BRI3: variants seen among roughly 807,000 people sequenced by gnomAD.
BRI3 encodes membrane protein BRI3.
Under a neutral mutation model 12.8 loss-of-function variants are expected in BRI3, and 6 were observed. That is an observed-to-expected ratio of 0.47 (90% CI 0.26 to 0.93). The LOEUF (loss-of-function observed/expected upper bound fraction) is 0.93, where lower values mean the gene tolerates loss of function less well. Among genes scored for constraint, BRI3 ranks in the 40% least tolerant of loss-of-function variants. The pLI, the probability that BRI3 is intolerant of heterozygous loss-of-function variation, is 0.15. For synonymous variants in BRI3, 91 were observed against 76.1 expected, an observed-to-expected ratio of 1.20 and a Z score of -1.02; for missense variants, 134 against 171.1, an observed-to-expected ratio of 0.78 and a Z score of 1.21.
chr7:98,307,839 A>G (rs1209701200), exon 2 of BRI3: 1 of 1,614,108 alleles, frequency 6.2e-7, no homozygotes, highest in Admixed American at 1.7e-5. Context: ...CTTCTTCATC[A>G]TGTTCAGTCC....
exon 2 of BRI3, chr7:98,310,163 T>A: frequency 3.0e-6 from 1 of 328,416 alleles, no homozygotes; most frequent in East Asian, 7.9e-5. Context: ...CATTTATTTG[T>A]AAATAGATAA....
downstream of BRI3, among the ~76,000 whole-genome samples, chr7:98,295,231 G>C (rs1253569082): frequency 2.0e-5 from 3 of 152,222 alleles, no homozygotes; most frequent in Non-Finnish European, 2.9e-5. Context: ...TGCATGTTGG[G>C]TGTACAGGCT....
chr7:98,299,005 T>C (rs528900802), intron 1 of BRI3, among the ~76,000 whole-genome samples: 1 of 152,108 alleles, frequency 6.6e-6, no homozygotes, highest in East Asian at 1.9e-4. Context: ...CCTGACTTTT[T>C]AATTTTCTGT....
downstream of BRI3, among the ~76,000 whole-genome samples, chr7:98,314,885 CAT>C (rs541559816): frequency 3.0e-3 from 462 of 152,288 alleles, 2 homozygotes; most frequent in Middle Eastern, 0.017. Flanking sequence ...GAAGAGCAAA[CAT>C]GTGCTATTTT....
exon 2 of BRI3, chr7:98,309,851 C>G (rs1800804810): frequency 6.6e-6 from 1 of 151,850 alleles, no homozygotes; most frequent in African/African-American, 2.5e-5. Flanking sequence ...CATCTGCAGA[C>G]AGTCACTGGC....
chr7:98,307,173 C>T (rs1584433988), intron 1 of BRI3: 3 of 167,032 alleles, frequency 1.8e-5, no homozygotes, highest in Admixed American at 5.7e-5. Context: ...AGTGCAATGG[C>T]GAGATCTCGG....
chr7:98,296,280 T>C (rs886133627), downstream of BRI3, among the ~76,000 whole-genome samples: 1 of 152,142 alleles, frequency 6.6e-6, no homozygotes, highest in Non-Finnish European at 1.5e-5. Flanking sequence ...ATCATGAAAA[T>C]TCATTGTGTG....
downstream of BRI3, chr7:98,311,963 G>GGGAT: frequency 1.2e-6 from 1 of 867,696 alleles, no homozygotes; most frequent in South Asian, 1.8e-5. Context: ...TAAAGGTAAG[G>GGGAT]GGATAGAGGT....
intron 1 of BRI3, among the ~76,000 whole-genome samples, chr7:98,298,845 G>A (rs1800297915): frequency 6.6e-6 from 1 of 151,974 alleles, no homozygotes; most frequent in African/African-American, 2.4e-5. Flanking sequence ...AGGTGGCAAA[G>A]GCTGCCATTG....
At chr7:98,307,189 T>G (rs977934807) in intron 1 of BRI3, 1 of 176,658 alleles carries the variant, frequency 5.7e-6, no homozygotes, top group Admixed American at 5.5e-5. Context: ...CTCGGCTCAC[T>G]GCAACCTGCG....
chr7:98,289,407 T>A (rs537672667), intron 2 of BRI3, among the ~76,000 whole-genome samples: 1 of 152,294 alleles, frequency 6.6e-6, no homozygotes, highest in Admixed American at 6.5e-5. Context: ...GTGGCCCTCA[T>A]GAGTCCAGAC....
At chr7:98,307,658 G>A (rs1483868172) in exon 2 of BRI3, 1 of 1,611,568 alleles carries the variant, frequency 6.2e-7, no homozygotes, top group African/African-American at 1.3e-5. Flanking sequence ...GCCGTCTGGT[G>A]CCCTGCGGGG....
chr7:98,315,846 G>A, the BRI3 span, among the ~76,000 whole-genome samples: 8 of 152,100 alleles, frequency 5.3e-5, no homozygotes, highest in East Asian at 1.9e-4. Context: ...ACATTCCCAC[G>A]GGGCAATTTG....
Position 98,281,702 on chromosome 7 carries a change from C to A in BRI3, c.-94C>A, listed in dbSNP as rs1291941350. On this transcript the variant is annotated 5_prime_UTR_variant, in exon 1 of 3. Transcript: ENST00000297290. ...GTCTGCCTCAGAGGGGCCCGAGCCACCCGGTCCGCCGCGTCCCCGCCGCCG... is the reference window on the plus strand; with the variant it reads ...GTCTGCCTCAGAGGGGCCCGAGCCAACCGGTCCGCCGCGTCCCCGCCGCCG... The A allele has an allele frequency of 6.6e-6, 4 of 609,858 alleles. No individual in the cohort carries two copies. Among genetic ancestry groups the A allele is most frequent in the East Asian group, 2.9e-4 (2 of 6,986 alleles). The allele number at this position is 609,858 out of a possible 1,614,324, so 37.8% of individuals were successfully genotyped here. A position where few individuals can be genotyped will look rare whatever the true frequency, so the allele number is the denominator to read the frequency against.
chr7:98,297,739 C>T (rs2116800253), downstream of BRI3, among the ~76,000 whole-genome samples: 1 of 152,326 alleles, frequency 6.6e-6, no homozygotes. Context: ...AGCCGAGGCA[C>T]CCATGTTGTG....
At chr7:98,308,169 G>A (rs1562967754) in exon 2 of BRI3, 5 of 595,138 alleles carry the variant, frequency 8.4e-6, no homozygotes, top group Admixed American at 4.3e-5. Context: ...AGGACAAGGC[G>A]GTGTGTGCCG....
chr7:98,292,712 A>AC, downstream of BRI3: 1 of 1,551,512 alleles, frequency 6.4e-7, no homozygotes, highest in Non-Finnish European at 8.7e-7. Context: ...AGAAACCAGG[A>AC]CCCCGAGCAG....
At chr7:98,292,985 G>T, downstream of BRI3, 3 of 1,178,294 alleles carry the variant, frequency 2.5e-6, no homozygotes, top group Non-Finnish European at 2.1e-6. Flanking sequence ...TCCATCTCTG[G>T]AAGCTCTACA....
chr7:98,319,967 C>G, the BRI3 span: 1 of 1,006,456 alleles, frequency 9.9e-7, no homozygotes. Flanking sequence ...CTCCTGTCTG[C>G]TGCTGATGAG....
Sources: gnomAD v4.1 joint callset for allele counts (sites outside exome capture counted in the v4.1 genomes callset) on GRCh38, gnomAD v4.1.1 for gene constraint, MANE v1.5 for transcripts, NCBI Gene and HGNC (gene_info 2026-07-23, HGNC 2026-07-21) for gene names.